The following ATRN variants were observed in gnomAD, a reference collection of about 807,000 sequenced individuals.
ATRN encodes the protein attractin-2.
In ATRN, 54 loss-of-function variants were observed where a neutral mutation model predicts 178.7. That is an observed-to-expected ratio of 0.30 (90% CI 0.24 to 0.38). The LOEUF is 0.38. Ranked by LOEUF, ATRN falls within the 10% of genes least tolerant of loss-of-function variation. The pLI is 1.00. For missense variants in ATRN, 1,443 were observed against 1,815.1 expected, an observed-to-expected ratio of 0.79 and a Z score of 3.73; for synonymous variants, 636 against 663.0, an observed-to-expected ratio of 0.96 and a Z score of 0.63.
At position 3,578,665 on chromosome 20, in the gene ATRN, A is replaced by G; in HGVS notation, c.2437A>G (p.Lys813Glu). Reference sequence around the variant, plus strand: ...TGCCAAGGAGAATTATGACAATGCTAAATTGTTCTGTAGGAACCACAATGC... The same window carrying G: ...TGCCAAGGAGAATTATGACAATGCTGAATTGTTCTGTAGGAACCACAATGC... ...TTAKENYDNA[K>E]LFCRNHNALL... The change falls in exon 15 of 29, where the codon AAA (lysine) becomes GAA (glutamate). Residue 813 changes from lysine (K) to glutamate (E), a missense_variant. Around this residue, in one of 4 missense-constraint regions of ATRN, gnomAD observed 212 missense variants for 330.7 expected, o/e 0.64. Coordinates refer to ENST00000262919, the MANE Select transcript of ATRN (RefSeq NM_139321.3). The G allele has an allele frequency of 6.2e-7, 1 of 1,614,036 alleles. No homozygotes were observed. Among genetic ancestry groups the G allele is most frequent in the Non-Finnish European group, 8.5e-7 (1 of 1,179,890 alleles).
chr20:3,568,111 A>G (rs2086064111), intron 11 of ATRN, among the ~76,000 whole-genome samples: 1 of 151,644 alleles, frequency 6.6e-6, no homozygotes, highest in East Asian at 1.9e-4. Flanking sequence ...TAACACTGTG[A>G]AACTCCATCT....
intron 2 of ATRN, among the ~76,000 whole-genome samples, chr20:3,537,682 C>T (rs1242989203): frequency 6.7e-6 from 1 of 148,822 alleles, no homozygotes; most frequent in African/African-American, 2.5e-5. Context: ...CCACGACAAA[C>T]CCCGGTGTGT....
At chr20:3,565,132 T>C (rs2086014257) in intron 10 of ATRN, among the ~76,000 whole-genome samples, 1 of 152,112 alleles carries the variant, frequency 6.6e-6, no homozygotes. Context: ...TCGGGTGCGT[T>C]TGCTAGTTAG....
intron 16 of ATRN, among the ~76,000 whole-genome samples, chr20:3,582,988 C>T (rs1413714227): frequency 6.6e-6 from 1 of 152,162 alleles, no homozygotes; most frequent in African/African-American, 2.4e-5. Context: ...TAAGCCTCCT[C>T]CTCCTGCAGA....
intron 24 of ATRN, among the ~76,000 whole-genome samples, chr20:3,614,324 G>A (rs1324419034): frequency 6.6e-6 from 1 of 152,160 alleles, no homozygotes; most frequent in Non-Finnish European, 1.5e-5. Flanking sequence ...CAAGATAGAA[G>A]ATGGTTGGAC....
intron 15 of ATRN, among the ~76,000 whole-genome samples, chr20:3,579,819 TC>T (rs543325979): frequency 3.3e-5 from 5 of 152,118 alleles, no homozygotes; most frequent in Non-Finnish European, 7.4e-5. Flanking sequence ...GGGCAACACT[TC>T]CTTGGGTACA....
At position 3,519,730 on chromosome 20, in the gene ATRN, A is replaced by G. The variant is rs191537943; in HGVS notation, c.411-15523A>G. 1.9e-3 allele frequency among the ~76,000 whole-genome samples: 282 copies of G among 152,156 alleles called. 1 individual carries two copies. The highest frequency in any genetic ancestry group is 6.4e-3 in the African/African-American group (265 of 41,582). On this transcript the variant is annotated intron_variant, in intron 1 of 28. Coordinates refer to ENST00000262919, the MANE Select transcript of ATRN (RefSeq NM_139321.3). ...AGAAACTATCTGTATCTCCACAACT[A>G]TTGAAATGAAAAGAAAAGAAAAGAA...
intron 1 of ATRN, chr20:3,489,517 C>T: frequency 2.2e-6 from 3 of 1,368,606 alleles, no homozygotes; most frequent in Non-Finnish European, 3.1e-6. Flanking sequence ...AGCTGAGCTA[C>T]ATCCCTGAGC....
At chr20:3,515,127 C>A (rs549772576) in intron 1 of ATRN, among the ~76,000 whole-genome samples, 3 of 151,958 alleles carry the variant, frequency 2.0e-5, no homozygotes, top group Admixed American at 6.6e-5. Flanking sequence ...TTGTAATGAA[C>A]GTCTAAAACA....
chr20:3,593,016 G>A (rs1395107358), intron 19 of ATRN, among the ~76,000 whole-genome samples: 3 of 152,182 alleles, frequency 2.0e-5, no homozygotes, highest in Non-Finnish European at 4.4e-5. Flanking sequence ...ACAAGGCATT[G>A]TGCTGTTACC....
intron 6 of ATRN, among the ~76,000 whole-genome samples, chr20:3,549,542 A>G (rs928500697): frequency 1.3e-5 from 2 of 152,218 alleles, no homozygotes; most frequent in African/African-American, 4.8e-5. Context: ...TGTCATGATA[A>G]GCATTCACCT....
chr20:3,594,099 A>G (rs2086489788), intron 19 of ATRN, among the ~76,000 whole-genome samples: 2 of 152,160 alleles, frequency 1.3e-5, no homozygotes, highest in Admixed American at 6.5e-5. Context: ...GCACCTCCCT[A>G]GGGGCAGCAG....
At chr20:3,542,822 A>G (rs1425344779) in intron 3 of ATRN, among the ~76,000 whole-genome samples, 1 of 112,020 alleles carries the variant, frequency 8.9e-6, no homozygotes, top group Non-Finnish European at 1.8e-5. Flanking sequence ...TTTTTTTTGT[A>G]GAGACGGGGT....
chr20:3,488,771 G>A (rs1568683176), intron 1 of ATRN, among the ~76,000 whole-genome samples: 2 of 152,126 alleles, frequency 1.3e-5, no homozygotes, highest in South Asian at 4.1e-4. Flanking sequence ...AATATGATTA[G>A]GTTGGTAATG....
At chr20:3,567,034 G>A (rs769241865) in intron 11 of ATRN, among the ~76,000 whole-genome samples, 11 of 151,938 alleles carry the variant, frequency 7.2e-5, no homozygotes, top group Middle Eastern at 3.4e-3. Context: ...TAATTATTTC[G>A]TTTTTTAGCA....
At chr20:3,498,536 A>G (rs1349428242) in intron 1 of ATRN, among the ~76,000 whole-genome samples, 3 of 152,016 alleles carry the variant, frequency 2.0e-5, no homozygotes, top group Non-Finnish European at 2.9e-5. Context: ...ATATACGCAA[A>G]TCAATAAATG....
rs760816629 is a variant in ATRN, at chr20:3,578,747, G to A, written c.2519G>A (p.Arg840Gln). ...KKVEFVLKQL[R>Q]IMQSSQSMSK... is the part of the protein sequence containing the mutation. ...GTAGAATTTGTCCTTAAGCAGCTGC[G>A]AATAATGCAGTCATCTCAGAGCATG... The change falls in exon 15 of 29, where the codon CGA (arginine) becomes CAA (glutamine). Residue 840 changes from arginine to glutamine, a missense_variant. Coordinates refer to ENST00000262919, the MANE Select transcript of ATRN (RefSeq NM_139321.3). 1.2e-5 allele frequency: 20 copies of A among 1,613,004 alleles called. No homozygotes were observed. Among genetic ancestry groups the A allele is most frequent in the South Asian group, 7.7e-5 (7 of 90,662 alleles).
At chr20:3,577,787 A>G (rs1305391412) in intron 14 of ATRN, among the ~76,000 whole-genome samples, 3 of 152,120 alleles carry the variant, frequency 2.0e-5, no homozygotes, top group African/African-American at 7.2e-5. Flanking sequence ...TAGAGTGTGC[A>G]TTTTATCTAG....
At chr20:3,567,736 A>G (rs535311664) in intron 11 of ATRN, among the ~76,000 whole-genome samples, 1 of 152,244 alleles carries the variant, frequency 6.6e-6, no homozygotes, top group African/African-American at 2.4e-5. Flanking sequence ...GTTTTGAGGG[A>G]GGCAGGAAGG....
Sources: allele counts gnomAD v4.1 joint callset (sites outside exome capture counted in the v4.1 genomes callset), GRCh38; gene constraint gnomAD v4.1.1; regional missense constraint gnomAD v4.1.1; transcripts MANE v1.5; gene names NCBI Gene and HGNC (gene_info 2026-07-23, HGNC 2026-07-21).